The following IDO2 variants were observed in gnomAD, a reference collection of about 807,000 sequenced individuals.
The protein encoded by IDO2 is indoleamine 2,3-dioxygenase 2, also known as indoleamine 2,3-dioxygenase-like 1 protein.
IDO2 carries 46 observed loss-of-function variants against 45.1 expected under a neutral mutation model. The observed-to-expected ratio is 1.02, with a 90% CI of 0.80 to 1.30. The LOEUF is 1.30. IDO2 is among the 50% of genes most tolerant of loss of function. The pLI is 0.00. For missense variants in IDO2, 544 were observed against 491.8 expected, an observed-to-expected ratio of 1.11 and a Z score of -1.00; for synonymous variants, 218 against 184.9, an observed-to-expected ratio of 1.18 and a Z score of -1.45.
chr8:39,988,229 A>G (rs1008748199), intron 7 of IDO2, among the ~76,000 whole-genome samples: 2 of 152,174 alleles, frequency 1.3e-5, no homozygotes, highest in Non-Finnish European at 2.9e-5. Flanking sequence ...TGGATCGAAC[A>G]AGACAGACAT....
At chr8:39,975,150 A>G (rs1314293738) in intron 3 of IDO2, among the ~76,000 whole-genome samples, 2 of 140,140 alleles carry the variant, frequency 1.4e-5, no homozygotes, top group Non-Finnish European at 1.5e-5. Flanking sequence ...AATATGGCAC[A>G]ACATTGGAGT....
At chr8:40,002,258 A>C (rs1009360775) in intron 8 of IDO2, among the ~76,000 whole-genome samples, 13 of 152,148 alleles carry the variant, frequency 8.5e-5, no homozygotes, top group Admixed American at 8.5e-4. Flanking sequence ...GTATTAGCAC[A>C]GTCTTATGTC....
chr8:39,948,398 T>G (rs1416042334), intron 1 of IDO2, among the ~76,000 whole-genome samples: 1 of 152,220 alleles, frequency 6.6e-6, no homozygotes, highest in Non-Finnish European at 1.5e-5. Context: ...GGTTGTGGTT[T>G]ATCAAACCTG....
At chr8:39,989,766 G>A in exon 8 of IDO2, 1 of 1,604,156 alleles carries the variant, frequency 6.2e-7, no homozygotes, top group Non-Finnish European at 8.5e-7. Context: ...CAACCAGGAG[G>A]CCCTGCTCCA....
intron 3 of IDO2, among the ~76,000 whole-genome samples, chr8:39,965,121 A>G (rs1429173323): frequency 2.6e-5 from 4 of 152,260 alleles, no homozygotes; most frequent in Non-Finnish European, 4.4e-5. Flanking sequence ...TTAGCACAGC[A>G]TTGAAACCAG....
chr8:40,001,071 C>T (rs1802127826), intron 8 of IDO2, among the ~76,000 whole-genome samples: 1 of 152,054 alleles, frequency 6.6e-6, no homozygotes, highest in South Asian at 2.1e-4. Flanking sequence ...TCAAATGATC[C>T]TCCCACATTG....
At chr8:39,937,928 C>T (rs1004793339) in intron 1 of IDO2, among the ~76,000 whole-genome samples, 1 of 152,070 alleles carries the variant, frequency 6.6e-6, no homozygotes, top group African/African-American at 2.4e-5. Context: ...TGCTTGTAGA[C>T]CATGCAAACA....
At chr8:39,979,332 G>T (rs1359640074) in intron 4 of IDO2, 146 bp downstream of exon 4, 1 of 539,864 alleles carries the variant, frequency 1.9e-6, no homozygotes, top group Non-Finnish European at 2.8e-6. Context: ...AACGATGAAG[G>T]GCTCATTTAT....
intron 7 of IDO2, among the ~76,000 whole-genome samples, chr8:39,988,998 C>G (rs752690184): frequency 1.3e-5 from 2 of 152,000 alleles, no homozygotes; most frequent in Non-Finnish European, 2.9e-5. Context: ...GTGTATTAGT[C>G]CATTTTCACA....
chr8:39,964,430 G>A (rs1808051310), intron 3 of IDO2, among the ~76,000 whole-genome samples: 1 of 152,140 alleles, frequency 6.6e-6, no homozygotes, highest in Non-Finnish European at 1.5e-5. Flanking sequence ...TCCTATAATA[G>A]CATTCAGTAT....
chr8:39,985,570 T>A (rs1271961489), intron 6 of IDO2, 48 bp downstream of exon 6: 1 of 1,483,222 alleles, frequency 6.7e-7, no homozygotes, highest in East Asian at 2.4e-5. Context: ...AGGCCAAATT[T>A]AAAATCTTAC....
intron 3 of IDO2, among the ~76,000 whole-genome samples, chr8:39,964,333 C>T (rs1303050248): frequency 6.6e-6 from 1 of 152,200 alleles, no homozygotes; most frequent in Non-Finnish European, 1.5e-5. Flanking sequence ...ATCCCATTTC[C>T]TTATTTATAA....
In IDO2 at chr8:39,959,314, C is replaced by T. The variant is rs191524469; in HGVS notation, c.100-4294C>T. On this transcript the variant is annotated intron_variant, in intron 2 of 10. Coordinates refer to ENST00000502986, the Ensembl canonical transcript of IDO2. ...TTTTTTTAGGAGAGACGGGGTTTCA[C>T]CGTGTTAGCCAGGATGGTCTTGATC... is the stretch of plus-strand genomic sequence containing the variant. Among the ~76,000 whole-genome samples the T allele has an allele frequency of 6.0e-3, 907 of 151,792 alleles. 13 individuals are homozygous for T. Among genetic ancestry groups the T allele is most frequent in the African/African-American group, 0.021 (857 of 41,376 alleles).
At chr8:40,000,481 C>T (rs1802118630) in intron 8 of IDO2, among the ~76,000 whole-genome samples, 1 of 151,814 alleles carries the variant, frequency 6.6e-6, no homozygotes, top group Non-Finnish European at 1.5e-5. Context: ...GGTTTTGAAC[C>T]TTGTCTAAAA....
chr8:39,982,236 GTATA>G (rs10612525), intron 4 of IDO2, among the ~76,000 whole-genome samples: 127 of 139,630 alleles, frequency 9.1e-4, no homozygotes, highest in African/African-American at 2.4e-3. Context: ...ATATATGTGT[GTATA>G]TATATATATA....
chr8:40,000,236 A>G (rs1420948137), intron 8 of IDO2, among the ~76,000 whole-genome samples: 1 of 152,050 alleles, frequency 6.6e-6, no homozygotes. Context: ...ATATGATGAA[A>G]CCATGTCTCT....
At chr8:39,993,675 A>C (rs528993449) in intron 8 of IDO2, among the ~76,000 whole-genome samples, 2 of 152,318 alleles carry the variant, frequency 1.3e-5, no homozygotes, top group East Asian at 3.9e-4. Flanking sequence ...ATGATAATAA[A>C]ATCATACAAA....
intron 2 of IDO2, among the ~76,000 whole-genome samples, chr8:39,955,530 A>G (rs1585399288): frequency 6.6e-6 from 1 of 152,136 alleles, no homozygotes; most frequent in East Asian, 1.9e-4. Context: ...TGCTGGGGTT[A>G]CAGGTTGCCT....
chr8:40,003,747 C>A (rs973987726), intron 8 of IDO2, among the ~76,000 whole-genome samples: 7 of 151,884 alleles, frequency 4.6e-5, no homozygotes, highest in African/African-American at 1.7e-4. Context: ...TTTTCTTATT[C>A]TCCTGGCTAG....
Sources: gnomAD v4.1 joint callset for allele counts (sites outside exome capture counted in the v4.1 genomes callset) on GRCh38, gnomAD v4.1.1 for gene constraint, MANE v1.5 for transcripts, NCBI Gene and HGNC (gene_info 2026-07-23, HGNC 2026-07-21) for gene names.